Variants in PDLIM5 observed in about 807,000 individuals in gnomAD.
PDLIM5 encodes the protein PDZ and LIM domain 5.
PDLIM5 carries 34 observed loss-of-function variants against 64.2 expected under a neutral mutation model. The observed-to-expected ratio is 0.53, with a 90% CI of 0.40 to 0.71. The LOEUF (loss-of-function observed/expected upper bound fraction) is 0.71, where lower values mean the gene tolerates loss of function less well. Among genes scored for constraint, PDLIM5 ranks in the 30% least tolerant of loss-of-function variants. The pLI, the probability that PDLIM5 is intolerant of heterozygous loss-of-function variation, is 0.00. For synonymous variants in PDLIM5, 253 were observed against 269.1 expected (o/e 0.94, Z 0.59); for missense variants, 683 against 733.6 (o/e 0.93, Z 0.80).
At chr4:94,603,759 C>T (rs1267506790) in intron 7 of PDLIM5, among the ~76,000 whole-genome samples, 3 of 152,262 alleles carry the variant, frequency 2.0e-5, no homozygotes, top group Admixed American at 6.5e-5. Context: ...AGGATGTTTG[C>T]GTTCTCAGGG....
intron 8 of PDLIM5, among the ~76,000 whole-genome samples, chr4:94,635,121 G>A (rs1353761253): frequency 3.9e-5 from 6 of 152,072 alleles, no homozygotes; most frequent in African/African-American, 2.4e-5. Context: ...TAAAGTTAAC[G>A]AAAGAGATTC....
chr4:94,636,728 G>A (rs1012481494), intron 8 of PDLIM5, among the ~76,000 whole-genome samples: 2 of 151,940 alleles, frequency 1.3e-5, no homozygotes, highest in African/African-American at 2.4e-5. Context: ...GTAGAGACGG[G>A]GTTTCACCGT....
rs10706955 is a variant in PDLIM5 at position 94,665,481 on chromosome 4, T to TAAAA, written c.*1436_*1439dup. 17 of 449,608 alleles carry TAAAA rather than the reference T, an allele frequency of 3.8e-5. No individual in the cohort carries two copies. Among genetic ancestry groups the TAAAA allele is most frequent in the African/African-American group, 7.4e-5 (2 of 27,194 alleles). 27.9% of individuals were successfully genotyped at this position (449,608 alleles called of 1,614,324 possible). A position where few individuals can be genotyped will look rare whatever the true frequency, so the allele number is the denominator to read the frequency against. ...GGTGACAGAGCAAGACTCCGGCTCT[T>TAAAA]AAAAAAAAAAAAAAAAAAAAAAAAA... On this transcript the variant is annotated 3_prime_UTR_variant, in exon 13 of 13. Coordinates refer to ENST00000317968, the MANE Select transcript of PDLIM5 (RefSeq NM_006457.5).
At chr4:94,585,159 T>C (rs1432795615) in intron 5 of PDLIM5, among the ~76,000 whole-genome samples, 3 of 152,158 alleles carry the variant, frequency 2.0e-5, no homozygotes, top group East Asian at 3.9e-4. Flanking sequence ...GGTGCGATCT[T>C]GGCTCACTGC....
At chr4:94,461,503 G>T (rs187213444) in intron 2 of PDLIM5, among the ~76,000 whole-genome samples, 1 of 148,762 alleles carries the variant, frequency 6.7e-6, no homozygotes, top group Non-Finnish European at 1.5e-5. Flanking sequence ...CTTTTCTAGC[G>T]TACTTTGTTT....
At chr4:94,654,255 T>C (rs1414526083) in intron 9 of PDLIM5, among the ~76,000 whole-genome samples, 1 of 152,164 alleles carries the variant, frequency 6.6e-6, no homozygotes, top group East Asian at 1.9e-4. Flanking sequence ...AGGAATCCCT[T>C]AAGTGCACGT....
chr4:94,529,646 T>C (rs931744094), intron 3 of PDLIM5, among the ~76,000 whole-genome samples: 1 of 152,176 alleles, frequency 6.6e-6, no homozygotes, highest in Non-Finnish European at 1.5e-5. Context: ...ACATTTTCTT[T>C]CTATGACATC....
intron 2 of PDLIM5, among the ~76,000 whole-genome samples, chr4:94,459,002 T>C (rs1198484859): frequency 6.6e-6 from 1 of 152,198 alleles, no homozygotes; most frequent in African/African-American, 2.4e-5. Flanking sequence ...GGCTGTCTTT[T>C]TATGATCCTG....
At chr4:94,554,260 G>A (rs1251835188) in intron 3 of PDLIM5, among the ~76,000 whole-genome samples, 2 of 152,048 alleles carry the variant, frequency 1.3e-5, no homozygotes, top group Admixed American at 1.3e-4. Context: ...CTTATTGTCT[G>A]TTAGCTTTTA....
intron 2 of PDLIM5, among the ~76,000 whole-genome samples, chr4:94,494,854 T>C (rs1375237408): frequency 6.6e-6 from 1 of 152,038 alleles, no homozygotes; most frequent in Non-Finnish European, 1.5e-5. Flanking sequence ...GTTCAAGCGA[T>C]TCTCCTGCCT....
chr4:94,610,163 TAAGCAGCTCCA>T lies in PDLIM5; in HGVS notation c.921-7840_921-7830del, dbSNP rs1187818951. ...GTTTTTCTTTCCCTACCTGTCAGTT[TAAGCAGCTCCA>T]CAGGAAATGTGGAAGATTCTTTCGA... On this transcript the variant is annotated intron_variant, in intron 7 of 12. Coordinates refer to ENST00000317968, the MANE Select transcript of PDLIM5 (RefSeq NM_006457.5). 2.0e-6 allele frequency: 3 copies of T among 1,519,222 alleles called. No homozygotes were observed. The African/African-American group carries it at 4.1e-5, about 21-fold the overall frequency. The allele number at this position is 1,519,222 out of a possible 1,614,324, so 94.1% of individuals were successfully genotyped here.
chr4:94,608,683 TA>T (rs1327938525), intron 7 of PDLIM5, among the ~76,000 whole-genome samples: 2 of 152,230 alleles, frequency 1.3e-5, no homozygotes, highest in African/African-American at 4.8e-5. Flanking sequence ...TTAGCTGATT[TA>T]TTTTTAAGTG....
rs568903015 is a variant in PDLIM5, at chr4:94,545,793, A to G, written c.248+21918A>G. Among the ~76,000 whole-genome samples the G allele has an allele frequency of 1.2e-3, 184 of 152,238 alleles. 1 individual carries two copies. Among genetic ancestry groups the G allele is most frequent in the Non-Finnish European group, 1.8e-3 (123 of 68,016 alleles). Reference sequence around the variant, plus strand: ...GTGCATTTCACACTTGTGTAAGCCTATTTGTTAAGGTCATGGTAGTTAGAT... The same window carrying G: ...GTGCATTTCACACTTGTGTAAGCCTGTTTGTTAAGGTCATGGTAGTTAGAT... On this transcript the variant is annotated intron_variant, in intron 3 of 12. Coordinates refer to ENST00000317968, the MANE Select transcript of PDLIM5 (RefSeq NM_006457.5).
chr4:94,503,111 T>C (rs762164849), intron 2 of PDLIM5, among the ~76,000 whole-genome samples: 36 of 152,286 alleles, frequency 2.4e-4, no homozygotes, highest in Admixed American at 6.5e-5. Flanking sequence ...TTTAGAGATA[T>C]AGGATATGTT....
chr4:94,560,852 G>T (rs1434991817), intron 3 of PDLIM5, among the ~76,000 whole-genome samples: 3 of 152,040 alleles, frequency 2.0e-5, no homozygotes, highest in African/African-American at 4.8e-5. Context: ...TCAGCCTCCT[G>T]AGTAGCTGGG....
chr4:94,502,337 G>T (rs1015999455), intron 2 of PDLIM5, among the ~76,000 whole-genome samples: 7 of 152,150 alleles, frequency 4.6e-5, no homozygotes, highest in South Asian at 2.1e-4. Context: ...AACTGTTAAA[G>T]AATCAAATGT....
chr4:94,616,104 A>G (rs1738764269), intron 7 of PDLIM5, among the ~76,000 whole-genome samples: 1 of 152,030 alleles, frequency 6.6e-6, no homozygotes, highest in Non-Finnish European at 1.5e-5. Context: ...CAGACTATAT[A>G]TTTTTGTTTC....
At chr4:94,498,591 A>C (rs1727621771) in intron 2 of PDLIM5, among the ~76,000 whole-genome samples, 1 of 152,222 alleles carries the variant, frequency 6.6e-6, no homozygotes, top group East Asian at 1.9e-4. Flanking sequence ...ACAAGGCAAC[A>C]CTTGCATTTT....
intron 3 of PDLIM5, among the ~76,000 whole-genome samples, chr4:94,526,766 C>T (rs1034848253): frequency 6.7e-6 from 1 of 148,968 alleles, no homozygotes; most frequent in Non-Finnish European, 1.5e-5. Context: ...GAATCTCGCT[C>T]TGTCGCCCAG....
Sources: gnomAD v4.1 joint callset for allele counts (sites outside exome capture counted in the v4.1 genomes callset) on GRCh38, gnomAD v4.1.1 for gene constraint, MANE v1.5 for transcripts, NCBI Gene and HGNC (gene_info 2026-07-23, HGNC 2026-07-21) for gene names.